PARN: variants seen among roughly 807,000 people sequenced by gnomAD.
PARN encodes the protein poly(A)-specific ribonuclease PARN.
Under a neutral mutation model 102.8 loss-of-function variants are expected in PARN, and 71 were observed. The observed-to-expected ratio is 0.69, with a 90% CI of 0.57 to 0.84. The LOEUF (loss-of-function observed/expected upper bound fraction) is 0.84, where lower values mean the gene tolerates loss of function less well. PARN is among the 40% of genes least tolerant of loss of function. The pLI is 0.00. For missense variants in PARN, 782 were observed against 760.9 expected, an observed-to-expected ratio of 1.03 and a Z score of -0.33; for synonymous variants, 261 against 252.9, an observed-to-expected ratio of 1.03 and a Z score of -0.30.
intron 11 of PARN, among the ~76,000 whole-genome samples, chr16:14,601,617 C>A (rs770296108): frequency 6.6e-5 from 10 of 152,010 alleles, no homozygotes; most frequent in Non-Finnish European, 8.8e-5. Context: ...GTGTATTTTA[C>A]CACAATTAAA....
Position 14,555,649 on chromosome 16 carries a change from C to A in PARN, c.1318+5G>T. Reference sequence around the variant, plus strand: ...GATGCAATAAGAAAATAAAAATTTACTTACAGTCTGGTCCTTCCAAGTTTA... The same window carrying A: ...GATGCAATAAGAAAATAAAAATTTAATTACAGTCTGGTCCTTCCAAGTTTA... On this transcript the variant is annotated splice_donor_5th_base_variant and intron_variant, in intron 19 of 23. Coordinates refer to ENST00000437198, the MANE Select transcript of PARN (RefSeq NM_002582.4). The A allele has an allele frequency of 7.4e-7, 1 of 1,350,406 alleles. No individual in the cohort carries two copies. The allele number at this position is 1,350,406 out of a possible 1,614,324, so 83.7% of individuals were successfully genotyped here. A position where few individuals can be genotyped will look rare whatever the true frequency, so the allele number is the denominator to read the frequency against.
chr16:14,485,032 C>A (rs1299634231), intron 21 of PARN, among the ~76,000 whole-genome samples: 1 of 152,154 alleles, frequency 6.6e-6, no homozygotes, highest in African/African-American at 2.4e-5. Flanking sequence ...CCAACCTGGG[C>A]AACACTGTGA....
Position 14,554,088 on chromosome 16 carries a change from A to G in PARN, c.1382T>C (p.Leu461Pro). ...TFPKEWKTSD[L>P]YQLFSAFGNI... ...ACCAAAGGCACTGAAAAGCTGGTAAAGGTCGCTGGTTTTCCATTCTTTGGG... is the reference window on the plus strand; with the variant it reads ...ACCAAAGGCACTGAAAAGCTGGTAAGGGTCGCTGGTTTTCCATTCTTTGGG... The change falls in exon 20 of 24, where the codon CTT (leucine) becomes CCT (proline). Residue 461 changes from leucine (L) to proline (P), a missense_variant. Transcript: ENST00000437198. The G allele has an allele frequency of 6.2e-7, 1 of 1,612,832 alleles. No individual in the cohort carries two copies. The highest frequency in any genetic ancestry group is 8.5e-7 in the Non-Finnish European group (1 of 1,179,348).
At position 14,459,780 on chromosome 16, in the gene PARN, T is replaced by C. The variant is rs946161743; in HGVS notation, c.1671-12699A>G. On this transcript the variant is annotated intron_variant, in intron 22 of 23. Transcript: ENST00000437198. Reference sequence around the variant, plus strand: ...CAAAGCTACAGTAATCAAGACAGTATGGTATTGGTGAAAGAACAGACATAT... The same window carrying C: ...CAAAGCTACAGTAATCAAGACAGTACGGTATTGGTGAAAGAACAGACATAT... Among the ~76,000 whole-genome samples the C allele has an allele frequency of 2.0e-5, 3 of 152,178 alleles. No homozygotes were observed. In the South Asian group the frequency reaches 6.2e-4, roughly 31 times the overall value.
rs190706004 is a variant in PARN at position 14,442,330 on chromosome 16, G to A, written c.1864+4558C>T. ...TGGGAAAACAGCCACACTTCCTGAA[G>A]ACATTTTATTCCAGCATTAATGGCA... On this transcript the variant is annotated intron_variant, in intron 23 of 23. Transcript: ENST00000437198. Among the ~76,000 whole-genome samples the A allele has an allele frequency of 2.4e-3, 366 of 152,230 alleles. 1 individual carries two copies. The highest frequency in any genetic ancestry group is 4.0e-3 in the Non-Finnish European group (274 of 68,006).
intron 22 of PARN, among the ~76,000 whole-genome samples, chr16:14,470,517 G>A (rs897467112): frequency 1.3e-5 from 2 of 151,484 alleles, no homozygotes; most frequent in Admixed American, 6.6e-5. Flanking sequence ...GAGTGCAGTG[G>A]TACAATCTCA....
intron 22 of PARN, among the ~76,000 whole-genome samples, chr16:14,474,103 C>T (rs1313855528): frequency 6.6e-6 from 1 of 152,160 alleles, no homozygotes; most frequent in African/African-American, 2.4e-5. Context: ...AGCCATTGTA[C>T]CACCTCAACC....
rs117461351 is a variant in PARN, at chr16:14,445,675, A to G, written c.1864+1213T>C. On this transcript the variant is annotated intron_variant, in intron 23 of 23. Transcript: ENST00000437198. Reference sequence around the variant, plus strand: ...CTCCCTGGGCTGAGGCAGTCCCCCTACTTCAGTCTCCTTAGTAGCTGGGAC... The same window carrying G: ...CTCCCTGGGCTGAGGCAGTCCCCCTGCTTCAGTCTCCTTAGTAGCTGGGAC... Among the ~76,000 whole-genome samples the G allele has an allele frequency of 5.3e-3, 808 of 152,248 alleles. 47 individuals carry two copies. In the East Asian group the frequency reaches 0.13, roughly 24 times the overall value.
chr16:14,546,962 G>A (rs762882330), intron 21 of PARN, among the ~76,000 whole-genome samples: 1 of 151,794 alleles, frequency 6.6e-6, no homozygotes, highest in Non-Finnish European at 1.5e-5. Flanking sequence ...GTGTGGTGGC[G>A]TGCACCTGTA....
chr16:14,568,325 G>A (rs1458615493), intron 18 of PARN, among the ~76,000 whole-genome samples: 10 of 148,642 alleles, frequency 6.7e-5, no homozygotes, highest in Admixed American at 1.4e-4. Flanking sequence ...CGATTCTTCC[G>A]CTTCAGCCTC....
rs115213386 is a variant in PARN, at chr16:14,516,884, T to A, written c.1481-34057A>T. 4.7e-3 allele frequency among the ~76,000 whole-genome samples: 716 copies of A among 152,302 alleles called. 9 individuals are homozygous for A. The highest frequency in any genetic ancestry group is 0.016 in the African/African-American group (677 of 41,552). On this transcript the variant is annotated intron_variant, in intron 21 of 23. Coordinates refer to ENST00000437198, the MANE Select transcript of PARN (RefSeq NM_002582.4). ...TGACAATGTAAATATGGTATAATTA[T>A]TTTAAAAAGAAAAGGACAGAATGAA... is the stretch of plus-strand genomic sequence containing the variant.
chr16:14,465,237 C>T (rs899518383), intron 22 of PARN, among the ~76,000 whole-genome samples: 1 of 151,986 alleles, frequency 6.6e-6, no homozygotes, highest in African/African-American at 2.4e-5. Context: ...TCGGGTGCCA[C>T]CAAGCTCGGC....
rs1168639765 is a variant in PARN, at chr16:14,627,233, A to G, written c.245+36T>C. ...ACTTAGGAGGTGACATTGTGCCACA[A>G]AAACGGAATTCCCAACGTTTGTTAA... On this transcript the variant is annotated intron_variant, in intron 4 of 23. Transcript: ENST00000437198. 7 of 1,581,658 alleles carry G rather than the reference A, an allele frequency of 4.4e-6. No individual in the cohort carries two copies. In the African/African-American group the frequency reaches 8.1e-5, roughly 18 times the overall value.
intron 18 of PARN, among the ~76,000 whole-genome samples, chr16:14,562,819 T>A (rs1216957682): frequency 6.6e-6 from 1 of 152,156 alleles, no homozygotes; most frequent in East Asian, 1.9e-4. Flanking sequence ...CAGACACCTC[T>A]AACATTAGCA....
chr16:14,518,444 A>C (rs1965570677), intron 21 of PARN, among the ~76,000 whole-genome samples: 1 of 152,148 alleles, frequency 6.6e-6, no homozygotes, highest in Admixed American at 6.5e-5. Context: ...ATTTAAAAAA[A>C]AAAATTCAGA....
intron 18 of PARN, among the ~76,000 whole-genome samples, chr16:14,559,878 G>A (rs1320550619): frequency 4.6e-5 from 7 of 152,146 alleles, no homozygotes; most frequent in Admixed American, 2.6e-4. Flanking sequence ...GGCAGACTGC[G>A]GCTCTGGAGA....
chr16:14,617,756 G>C (rs1391309520), intron 5 of PARN, 106 bp from the exon 6 acceptor site: 3 of 728,414 alleles, frequency 4.1e-6, no homozygotes, highest in African/African-American at 3.5e-5. Context: ...ATATGGGAAG[G>C]AAGCGATGTG....
At position 14,630,248 on chromosome 16, in the gene PARN, G is replaced by A. The variant is rs988746606; in HGVS notation, c.-123C>T. 5.8e-6 allele frequency: 5 copies of A among 858,176 alleles called. No homozygotes were observed. The East Asian group carries it at 1.2e-4, about 20-fold the overall frequency. The allele number at this position is 858,176 out of a possible 1,614,324, so 53.2% of individuals were successfully genotyped here. On this transcript the variant is annotated 5_prime_UTR_variant, in exon 1 of 24. Transcript: ENST00000437198. ...CAGCCGCAGCGGTGACGCCGGCCGC[G>A]ACTTCCGGAAACAGCGCGCGCCTGC...
At chr16:14,569,713 A>T (rs924699937) in intron 18 of PARN, among the ~76,000 whole-genome samples, 1 of 152,222 alleles carries the variant, frequency 6.6e-6, no homozygotes, top group African/African-American at 2.4e-5. Flanking sequence ...GCTCAAAAAG[A>T]ACAGTTCACA....
Sources: allele counts gnomAD v4.1 joint callset (sites outside exome capture counted in the v4.1 genomes callset), GRCh38; gene constraint gnomAD v4.1.1; transcripts MANE v1.5; gene names NCBI Gene and HGNC (gene_info 2026-07-23, HGNC 2026-07-21).